ABCA13: variants seen among roughly 807,000 people sequenced by gnomAD.
ABCA13 encodes ATP binding cassette subfamily A member 13, also known as ATP-binding cassette sub-family A member 13.
A neutral mutation model predicts 478.7 loss-of-function variants in ABCA13; 476 were observed. That is an observed-to-expected ratio of 0.99 (90% CI 0.92 to 1.07). ABCA13 has a LOEUF of 1.07. Ranked by LOEUF, ABCA13 falls within the 50% of genes least tolerant of loss-of-function variation. The pLI, the probability that ABCA13 is intolerant of heterozygous loss-of-function variation, is 0.00. For synonymous variants in ABCA13, 2,252 were observed against 2,158.9 expected, an observed-to-expected ratio of 1.04 and a Z score of -1.20; for missense variants, 6,060 against 5,910.6, an observed-to-expected ratio of 1.03 and a Z score of -0.83.
At chr7:48,385,206 A>G (rs1156578934) in intron 35 of ABCA13, among the ~76,000 whole-genome samples, 1 of 152,144 alleles carries the variant, frequency 6.6e-6, no homozygotes, top group Non-Finnish European at 1.5e-5. Context: ...AATGTGTGTC[A>G]TGGAGGTTTA....
At chr7:48,314,985 T>A (rs2128892802) in intron 26 of ABCA13, among the ~76,000 whole-genome samples, 1 of 152,280 alleles carries the variant, frequency 6.6e-6, no homozygotes. Context: ...CCAATTTAAG[T>A]GAAGATGTTT....
intron 31 of ABCA13, among the ~76,000 whole-genome samples, chr7:48,361,450 C>T (rs1810820848): frequency 6.6e-6 from 1 of 151,512 alleles, no homozygotes; most frequent in African/African-American, 2.4e-5. Context: ...TCATTCTTTT[C>T]TTATTTGACT....
chr7:48,493,956 T>C (rs916922202), intron 48 of ABCA13, among the ~76,000 whole-genome samples: 2 of 152,084 alleles, frequency 1.3e-5, no homozygotes, highest in Non-Finnish European at 2.9e-5. Context: ...AAGTTAGGAG[T>C]CAGTTTAGAG....
chr7:48,510,170 C>G (rs1263650052), intron 50 of ABCA13, among the ~76,000 whole-genome samples: 4 of 33,016 alleles, frequency 1.2e-4, no homozygotes, highest in Non-Finnish European at 1.6e-4. Context: ...AATAAATGCG[C>G]AGGATACAGT....
At chr7:48,368,538 G>A (rs1812061702) in intron 32 of ABCA13, among the ~76,000 whole-genome samples, 1 of 151,688 alleles carries the variant, frequency 6.6e-6, no homozygotes, top group Non-Finnish European at 1.5e-5. Flanking sequence ...GCTCCCACAC[G>A]TGAGTGAGAA....
At chr7:48,477,201 A>G (rs895201792) in intron 45 of ABCA13, among the ~76,000 whole-genome samples, 1 of 152,216 alleles carries the variant, frequency 6.6e-6, no homozygotes, top group Non-Finnish European at 1.5e-5. Context: ...GAATGAGACC[A>G]AGGATATTTT....
chr7:48,552,838 T>C (rs1048419884), intron 55 of ABCA13, among the ~76,000 whole-genome samples: 1 of 151,710 alleles, frequency 6.6e-6, no homozygotes, highest in Non-Finnish European at 1.5e-5. Context: ...AATCCAATTA[T>C]ACTATTAGTT....
intron 41 of ABCA13, among the ~76,000 whole-genome samples, chr7:48,417,652 C>T (rs1272763092): frequency 2.0e-5 from 3 of 152,174 alleles, no homozygotes; most frequent in Admixed American, 6.5e-5. Flanking sequence ...TGCAGAATGG[C>T]TCATTTGTTA....
intron 31 of ABCA13, among the ~76,000 whole-genome samples, chr7:48,364,274 CT>C (rs544465826): frequency 2.0e-5 from 3 of 151,960 alleles, no homozygotes; most frequent in Admixed American, 1.3e-4. Flanking sequence ...GTCAATGTAA[CT>C]TTTTTTTGCT....
rs777358711 is a variant in ABCA13 at position 48,278,522 on chromosome 7, C to G, written c.7328C>G (p.Pro2443Arg). The G allele has an allele frequency of 1.2e-6, 2 of 1,613,878 alleles. No individual in the cohort carries two copies. The highest frequency in any genetic ancestry group is 1.3e-5 in the African/African-American group (1 of 75,036). Residue 2443 changes from proline (P) to arginine (R), a missense_variant, in exon 18 of 62, where the codon CCT becomes CGT. By Grantham distance (103) the Pro-to-Arg change is moderately radical (BLOSUM62 -2). Transcript: ENST00000435803. ...AATAAGGACTTCTATGCTTTGTATC[C>G]TACCCTCCAAGAAGTTATACTTGCT... is the stretch of plus-strand genomic sequence containing the variant. ...SPNKDFYALY[P>R]TLQEVILANL...
At chr7:48,372,843 G>A (rs1812871174) in intron 33 of ABCA13, among the ~76,000 whole-genome samples, 1 of 152,104 alleles carries the variant, frequency 6.6e-6, no homozygotes, top group South Asian at 2.1e-4. Context: ...TAAAAAATAA[G>A]CATTTTTTCT....
Position 48,272,566 on chromosome 7 carries a change from C to A in ABCA13, c.2900C>A (p.Ser967Ter). 1 of 1,613,682 alleles carries A rather than the reference C, an allele frequency of 6.2e-7. No homozygotes were observed. Among genetic ancestry groups the A allele is most frequent in the Non-Finnish European group, 8.5e-7 (1 of 1,179,704 alleles). The part of the protein sequence containing the change: ...DSALLLQIYS[S>*]FYRYIYELLN... ...GCTTTACTTCTGCAAATTTATTCTT[C>A]ATTTTACCGATATATTTATGAATTA... is the stretch of plus-strand genomic sequence containing the variant. The change falls in exon 17 of 62, where the codon TCA (serine) becomes TAA (stop). Residue 967 changes from serine to a stop codon, truncating the protein, a stop_gained. Transcript: ENST00000435803. LOFTEE classifies it high-confidence loss of function.
intron 8 of ABCA13, among the ~76,000 whole-genome samples, chr7:48,235,348 C>T (rs73341719): frequency 0.047 from 7,084 of 152,180 alleles, 274 homozygotes; most frequent in Admixed American, 0.11. Context: ...TTTATAACCC[C>T]GTTTTCTCAT....
chr7:48,173,919 G>A (rs1794494562), intron 1 of ABCA13, among the ~76,000 whole-genome samples: 1 of 152,202 alleles, frequency 6.6e-6, no homozygotes, highest in Non-Finnish European at 1.5e-5. Context: ...GACATGAACC[G>A]TGGGCTGTGA....
intron 37 of ABCA13, among the ~76,000 whole-genome samples, chr7:48,390,170 T>G (rs1815821089): frequency 6.6e-6 from 1 of 152,214 alleles, no homozygotes; most frequent in Non-Finnish European, 1.5e-5. Flanking sequence ...ACACATTTCT[T>G]ACAAGGAAAA....
At chr7:48,262,105 CA>C (rs771439045) in intron 15 of ABCA13, among the ~76,000 whole-genome samples, 89 of 151,896 alleles carry the variant, frequency 5.9e-4, no homozygotes, top group Middle Eastern at 3.4e-3. Context: ...TGGAAACAAA[CA>C]AAAAATGAGG....
intron 31 of ABCA13, among the ~76,000 whole-genome samples, chr7:48,357,862 G>A (rs911277284): frequency 8.6e-5 from 13 of 151,732 alleles, no homozygotes; most frequent in African/African-American, 3.2e-4. Context: ...GTATGTTTTC[G>A]GCCGGGTGTG....
intron 55 of ABCA13, among the ~76,000 whole-genome samples, chr7:48,577,789 G>C (rs1788323964): frequency 6.6e-6 from 1 of 152,018 alleles, no homozygotes; most frequent in Admixed American, 6.6e-5. Context: ...GAAAACTATA[G>C]CCTAGTATCT....
chr7:48,256,782 T>A (rs974411284), intron 15 of ABCA13, among the ~76,000 whole-genome samples: 4 of 152,226 alleles, frequency 2.6e-5, no homozygotes, highest in African/African-American at 9.6e-5. Context: ...TTGCTTACGA[T>A]TGCCTTGGCT....
Sources: gnomAD v4.1 joint callset for allele counts (sites outside exome capture counted in the v4.1 genomes callset) on GRCh38, gnomAD v4.1.1 for gene constraint, MANE v1.5 for transcripts, NCBI Gene and HGNC (gene_info 2026-07-23, HGNC 2026-07-21) for gene names.